The following CSMD1 variants were observed in gnomAD, a reference collection of about 807,000 sequenced individuals.
The protein encoded by CSMD1 is CUB and Sushi multiple domains 1, also known as CUB and sushi domain-containing protein 1.
Under a neutral mutation model 417.5 loss-of-function variants are expected in CSMD1, and 213 were observed. The observed-to-expected ratio is 0.51, with a 90% CI of 0.46 to 0.57. The LOEUF (loss-of-function observed/expected upper bound fraction) is 0.57, where lower values mean the gene tolerates loss of function less well. Among genes scored for constraint, CSMD1 ranks in the 20% least tolerant of loss-of-function variants. CSMD1 has a pLI of 0.00. For synonymous variants in CSMD1, 2,862 were observed against 1,736.8 expected, an observed-to-expected ratio of 1.65 and a Z score of -16.11; for missense variants, 6,923 against 4,529.7, an observed-to-expected ratio of 1.53 and a Z score of -15.17.
At chr8:4,588,298 G>T (rs552362823) in intron 2 of CSMD1, among the ~76,000 whole-genome samples, 1 of 150,922 alleles carries the variant, frequency 6.6e-6, no homozygotes, top group African/African-American at 2.4e-5. Context: ...TAGCCAAAAA[G>T]AAAAAGGAAA....
intron 26 of CSMD1, among the ~76,000 whole-genome samples, chr8:3,282,397 C>G (rs912930092): frequency 6.6e-6 from 1 of 152,110 alleles, no homozygotes. Context: ...AAAAAAATGC[C>G]TGGAGAATAC....
intron 23 of CSMD1, among the ~76,000 whole-genome samples, chr8:3,326,360 C>G (rs929878623): frequency 2.0e-5 from 3 of 152,172 alleles, no homozygotes; most frequent in Non-Finnish European, 2.9e-5. Flanking sequence ...GTACCTTCCA[C>G]CTTCCTCCCT....
At chr8:4,894,365 TTAGA>T (rs1198576162) in intron 1 of CSMD1, among the ~76,000 whole-genome samples, 1 of 152,028 alleles carries the variant, frequency 6.6e-6, no homozygotes, top group African/African-American at 2.4e-5. Context: ...TTAAAAACAC[TTAGA>T]TAATTTACTT....
intron 26 of CSMD1, among the ~76,000 whole-genome samples, chr8:3,251,919 C>A (rs947539508): frequency 6.6e-6 from 1 of 152,040 alleles, no homozygotes; most frequent in Non-Finnish European, 1.5e-5. Flanking sequence ...GATTTTGTAT[C>A]CTGAGACTTT....
intron 1 of CSMD1, among the ~76,000 whole-genome samples, chr8:4,930,991 A>G (rs959312658): frequency 6.6e-6 from 1 of 152,172 alleles, no homozygotes; most frequent in African/African-American, 2.4e-5. Context: ...AAACAGTAAG[A>G]CAATATATGT....
chr8:2,966,079 C>T (rs1249763945), intron 58 of CSMD1, 125 bp from the exon 59 acceptor site: 1 of 768,932 alleles, frequency 1.3e-6, no homozygotes, highest in Non-Finnish European at 2.2e-6. Flanking sequence ...TGAATTAATA[C>T]AGCAATACTA....
intron 3 of CSMD1, among the ~76,000 whole-genome samples, chr8:4,275,970 A>T (rs1796463787): frequency 1.3e-5 from 2 of 152,230 alleles, no homozygotes. Context: ...GTCAGGAAAC[A>T]GCAGATGCTG....
At chr8:3,649,847 T>C (rs774520844) in intron 7 of CSMD1, among the ~76,000 whole-genome samples, 7 of 152,260 alleles carry the variant, frequency 4.6e-5, no homozygotes, top group South Asian at 2.1e-4. Flanking sequence ...CCTTGCTAGA[T>C]GTTTTCTCAA....
chr8:4,215,666 G>C (rs999663150), intron 3 of CSMD1, among the ~76,000 whole-genome samples: 2 of 151,982 alleles, frequency 1.3e-5, no homozygotes, highest in African/African-American at 2.4e-5. Context: ...TTTTAAATGA[G>C]GTTTTCTAAA....
intron 37 of CSMD1, among the ~76,000 whole-genome samples, chr8:3,178,536 C>T (rs1398219694): frequency 6.6e-6 from 1 of 152,178 alleles, no homozygotes. Flanking sequence ...ATAAAATGCA[C>T]TTTTCATGCC....
intron 2 of CSMD1, among the ~76,000 whole-genome samples, chr8:4,543,364 C>A (rs1376834283): frequency 1.3e-5 from 2 of 152,138 alleles, no homozygotes; most frequent in Non-Finnish European, 2.9e-5. Flanking sequence ...TCTGCCTTTT[C>A]CAGAATGTCA....
At chr8:4,248,811 A>G (rs957335546) in intron 3 of CSMD1, among the ~76,000 whole-genome samples, 15 of 152,138 alleles carry the variant, frequency 9.9e-5, no homozygotes, top group African/African-American at 3.1e-4. Context: ...ATCTTTGCCT[A>G]ATTTGGTGAC....
At chr8:4,977,702 G>T (rs751989128) in intron 1 of CSMD1, among the ~76,000 whole-genome samples, 1 of 152,300 alleles carries the variant, frequency 6.6e-6, no homozygotes, top group Non-Finnish European at 1.5e-5. Context: ...TCCTAAGGAG[G>T]TCCCATTTGA....
intron 2 of CSMD1, among the ~76,000 whole-genome samples, chr8:4,433,978 T>C (rs1798011420): frequency 6.6e-6 from 1 of 152,134 alleles, no homozygotes; most frequent in African/African-American, 2.4e-5. Context: ...AGGAAGTGAT[T>C]TTCTCTTCAG....
At chr8:3,541,250 G>A (rs918945943) in intron 10 of CSMD1, among the ~76,000 whole-genome samples, 1 of 152,124 alleles carries the variant, frequency 6.6e-6, no homozygotes, top group Non-Finnish European at 1.5e-5. Flanking sequence ...GAAACTGGAA[G>A]CCATTACCCT....
intron 52 of CSMD1, among the ~76,000 whole-genome samples, chr8:3,015,176 T>C (rs1005011940): frequency 2.0e-5 from 3 of 152,158 alleles, no homozygotes; most frequent in African/African-American, 7.2e-5. Context: ...GTTTCAAGCA[T>C]AACTGAGGCA....
chr8:4,060,684 C>G (rs1191421095), intron 3 of CSMD1, among the ~76,000 whole-genome samples: 3 of 151,986 alleles, frequency 2.0e-5, no homozygotes, highest in African/African-American at 7.3e-5. Context: ...TAGATAAGGC[C>G]TGAGAAATGC....
intron 1 of CSMD1, among the ~76,000 whole-genome samples, chr8:4,981,635 G>C (rs1022605894): frequency 5.9e-5 from 9 of 152,158 alleles, no homozygotes; most frequent in African/African-American, 1.9e-4. Context: ...TTTGCTGACT[G>C]TGAGATGATC....
At position 3,214,674 on chromosome 8, in the gene CSMD1, A is replaced by T. The variant is rs978438394; in HGVS notation, c.4690T>A (p.Cys1564Ser). The T allele has an allele frequency of 1.3e-6, 2 of 1,550,274 alleles. No individual in the cohort carries two copies. The highest frequency in any genetic ancestry group is 1.7e-6 in the Non-Finnish European group (2 of 1,146,478). ...TTCATTATATTTCCTGGGTCAAAACAAGCTTCCCGTGGTTTCTCTGTGGAA... is the reference window on the plus strand; with the variant it reads ...TTCATTATATTTCCTGGGTCAAAACTAGCTTCCCGTGGTTTCTCTGTGGAA... Reference protein sequence around the residue: ...IEFKEKPREACFDPGNIMNGT... With the variant: ...IEFKEKPREASFDPGNIMNGT... Residue 1564 changes from cysteine to serine, a missense_variant, in exon 30 of 70, where the codon TGT (cysteine) becomes AGT (serine). Transcript: ENST00000635120.
Sources: allele counts gnomAD v4.1 joint callset (sites outside exome capture counted in the v4.1 genomes callset), GRCh38; gene constraint gnomAD v4.1.1; transcripts MANE v1.5; gene names NCBI Gene and HGNC (gene_info 2026-07-23, HGNC 2026-07-21).